NCALD: variants seen among roughly 807,000 people sequenced by gnomAD.
NCALD encodes neurocalcin delta.
In NCALD, 10 loss-of-function variants were observed where a neutral mutation model predicts 18.6. The ratio of observed to expected loss-of-function variants is 0.54; its 90% confidence interval spans 0.33 to 0.91. The LOEUF (loss-of-function observed/expected upper bound fraction) is 0.91, where lower values mean the gene tolerates loss of function less well. Among genes scored for constraint, NCALD ranks in the 40% least tolerant of loss-of-function variants. The pLI is 0.03. For synonymous variants in NCALD, 88 were observed against 87.4 expected, an observed-to-expected ratio of 1.01 and a Z score of -0.04; for missense variants, 184 against 247.6, an observed-to-expected ratio of 0.74 and a Z score of 1.72.
chr8:101,971,926 T>C (rs1820255117), intron 2 of NCALD, among the ~76,000 whole-genome samples: 1 of 152,074 alleles, frequency 6.6e-6, no homozygotes, highest in South Asian at 2.1e-4. Context: ...CATGAGAAAA[T>C]ATGTAATGAC....
At chr8:101,994,224 G>A (rs921840795) in intron 2 of NCALD, among the ~76,000 whole-genome samples, 6 of 152,186 alleles carry the variant, frequency 3.9e-5, no homozygotes, top group African/African-American at 1.4e-4. Flanking sequence ...AGCCAAGGGA[G>A]GTATTGGGAA....
At chr8:101,963,216 C>T (rs779740690) in intron 2 of NCALD, among the ~76,000 whole-genome samples, 9 of 152,150 alleles carry the variant, frequency 5.9e-5, no homozygotes, top group African/African-American at 7.2e-5. Context: ...AAAGCCTCTT[C>T]GAAATGAAAT....
chr8:101,729,033 C>G (rs2130556055), intron 1 of NCALD, among the ~76,000 whole-genome samples: 1 of 152,334 alleles, frequency 6.6e-6, no homozygotes. Flanking sequence ...TTTACCATGA[C>G]TTAGACATCA....
At chr8:101,857,211 A>G (rs1437969124) in intron 4 of NCALD, among the ~76,000 whole-genome samples, 1 of 152,204 alleles carries the variant, frequency 6.6e-6, no homozygotes, top group Non-Finnish European at 1.5e-5. Context: ...AGCATATAAC[A>G]CTGTCCATCT....
chr8:101,735,140 T>C (rs1255312760), intron 1 of NCALD, among the ~76,000 whole-genome samples: 1 of 151,684 alleles, frequency 6.6e-6, no homozygotes, highest in African/African-American at 2.4e-5. Context: ...GAAGGGAGGA[T>C]AGGAAGTAAC....
At chr8:101,744,463 G>A (rs1417443209) in intron 1 of NCALD, among the ~76,000 whole-genome samples, 1 of 152,214 alleles carries the variant, frequency 6.6e-6, no homozygotes, top group Non-Finnish European at 1.5e-5. Flanking sequence ...CAAAGTAACG[G>A]AGAAGTCTCC....
chr8:101,691,687 A>G (rs1399247132), intron 3 of NCALD: 1 of 985,294 alleles, frequency 1.0e-6, no homozygotes, highest in Non-Finnish European at 1.2e-6. Flanking sequence ...ATGGAATGGC[A>G]CCTTTGTGGA....
chr8:102,035,982 T>C (rs959453947), intron 1 of NCALD, among the ~76,000 whole-genome samples: 20 of 152,138 alleles, frequency 1.3e-4, no homozygotes, highest in East Asian at 1.9e-4. Context: ...TGTGACAAAA[T>C]ATCTCTAGTA....
chr8:101,930,155 A>G (rs1818519209), intron 2 of NCALD, among the ~76,000 whole-genome samples: 1 of 152,244 alleles, frequency 6.6e-6, no homozygotes, highest in South Asian at 2.1e-4. Context: ...TATAAATTTT[A>G]AAAACTAAAG....
chr8:101,995,852 C>T (rs747400249), intron 2 of NCALD, among the ~76,000 whole-genome samples: 4 of 152,194 alleles, frequency 2.6e-5, no homozygotes, highest in African/African-American at 4.8e-5. Flanking sequence ...CCAATTGTTC[C>T]AGCAACTTCC....
chr8:101,806,609 G>A (rs1586551395), intron 4 of NCALD, among the ~76,000 whole-genome samples: 2 of 151,974 alleles, frequency 1.3e-5, no homozygotes, highest in East Asian at 3.9e-4. Context: ...GATTTAAATG[G>A]GTGGAAAAAA....
chr8:101,974,931 C>G (rs944147880), intron 2 of NCALD, among the ~76,000 whole-genome samples: 47 of 152,114 alleles, frequency 3.1e-4, no homozygotes, highest in African/African-American at 1.1e-3. Context: ...AATACAGATA[C>G]TACATATACT....
At chr8:102,002,734 C>T (rs186189006) in intron 2 of NCALD, among the ~76,000 whole-genome samples, 4 of 152,080 alleles carry the variant, frequency 2.6e-5, no homozygotes, top group African/African-American at 9.7e-5. Flanking sequence ...CATTCAAAAC[C>T]GCTCAACTAC....
chr8:102,089,989 T>C (rs1205572323), intron 1 of NCALD, among the ~76,000 whole-genome samples: 1 of 152,230 alleles, frequency 6.6e-6, no homozygotes, highest in African/African-American at 2.4e-5. Flanking sequence ...TCTTATCTTA[T>C]GGTCAAACTG....
chr8:102,009,440 T>C (rs1821829207), intron 2 of NCALD, among the ~76,000 whole-genome samples: 1 of 152,224 alleles, frequency 6.6e-6, no homozygotes, highest in South Asian at 2.1e-4. Context: ...TCCGTCTCCC[T>C]GAATAAGGAG....
intron 4 of NCALD, among the ~76,000 whole-genome samples, chr8:101,863,433 T>A (rs920057194): frequency 6.6e-6 from 1 of 152,212 alleles, no homozygotes; most frequent in Non-Finnish European, 1.5e-5. Context: ...CCCCTTTCTT[T>A]TTGAAATGTT....
intron 1 of NCALD, among the ~76,000 whole-genome samples, chr8:102,082,441 T>C (rs1225436180): frequency 6.6e-6 from 1 of 151,822 alleles, no homozygotes; most frequent in East Asian, 1.9e-4. Flanking sequence ...CTGCCAGAAA[T>C]TGATACAAAT....
chr8:101,863,899 G>A (rs1291262278), intron 4 of NCALD, among the ~76,000 whole-genome samples: 6 of 152,082 alleles, frequency 3.9e-5, no homozygotes, highest in Non-Finnish European at 8.8e-5. Flanking sequence ...TTAGGGAGAG[G>A]AGCCTTTAAA....
At chr8:101,875,940 T>C (rs1027534063) in intron 4 of NCALD, among the ~76,000 whole-genome samples, 1 of 152,164 alleles carries the variant, frequency 6.6e-6, no homozygotes, top group Non-Finnish European at 1.5e-5. Context: ...ACTGATTCTT[T>C]CTCTATTGTT....
Sources: allele counts gnomAD v4.1 joint callset (sites outside exome capture counted in the v4.1 genomes callset), GRCh38; gene constraint gnomAD v4.1.1; transcripts MANE v1.5; gene names NCBI Gene and HGNC (gene_info 2026-07-23, HGNC 2026-07-21).